CRYBG3: variants seen among roughly 807,000 people sequenced by gnomAD.
CRYBG3 encodes very large A-kinase anchor protein.
In CRYBG3, 127 loss-of-function variants were observed where a neutral mutation model predicts 244.2. The observed-to-expected ratio is 0.52, with a 90% confidence interval of 0.45 to 0.60. CRYBG3 has a LOEUF of 0.60. Ranked by LOEUF, CRYBG3 falls within the 20% of genes least tolerant of loss-of-function variation. The pLI is 0.00. For missense variants in CRYBG3, 3,325 were observed against 3,442.5 expected, an observed-to-expected ratio of 0.97 and a Z score of 0.85; for synonymous variants, 1,132 against 1,195.8, an observed-to-expected ratio of 0.95 and a Z score of 1.10.
In CRYBG3 at chr3:97,874,324, TACAG is replaced by T. The variant is rs1474364103; in HGVS notation, c.3132_3135del (p.Tyr1044Ter). 1 of 1,527,640 alleles carries T rather than the reference TACAG, an allele frequency of 6.5e-7. No homozygotes were observed. The highest frequency in any genetic ancestry group is 1.4e-5 in the African/African-American group (1 of 72,352). The allele number at this position is 1,527,640 out of a possible 1,614,324, so 94.6% of individuals were successfully genotyped here. A position where few individuals can be genotyped will look rare whatever the true frequency, so the allele number is the denominator to read the frequency against. On this transcript the variant is annotated frameshift_variant, in exon 4 of 22. Transcript: ENST00000389622. LOFTEE classifies it high-confidence loss of function. ...GAAATTGGAAAAGAAATCCTCATCT[TACAG>T]AAAGAAAGAGAACATCCATTTTTTA...
intron 2 of CRYBG3, among the ~76,000 whole-genome samples, chr3:97,848,004 A>G (rs1159873378): frequency 1.3e-5 from 2 of 152,220 alleles, no homozygotes; most frequent in Non-Finnish European, 2.9e-5. Context: ...GAAGAATTGT[A>G]GCCCAAGACT....
chr3:97,875,905 G>C lies in CRYBG3; in HGVS notation c.4711G>C (p.Gly1571Arg). The change falls in exon 4 of 22, where the codon GGA becomes CGA. Residue 1571 changes from glycine to arginine, a missense_variant. By Grantham distance (125) the Gly-to-Arg change is moderately radical (BLOSUM62 -2). Around this residue, in one of 4 missense-constraint regions of CRYBG3, gnomAD observed 635 missense variants for 771.7 expected, o/e 0.82. Transcript: ENST00000389622. ...GGCAGTCCCTCCTATGATAGAAATG[G>C]GAAGAATACATAAAATGGATGCTGA... ...YEAVPPMIEM[G>R]RIHKMDAELN... 8.1e-6 allele frequency: 10 copies of C among 1,231,996 alleles called. No homozygotes were observed. The highest frequency in any genetic ancestry group is 1.0e-5 in the Non-Finnish European group (10 of 987,898). 76.3% of individuals were successfully genotyped at this position (1,231,996 alleles called of 1,614,324 possible).
rs535883118 is a variant in CRYBG3, at chr3:97,876,963, T to C, written c.5769T>C (p.Asn1923=). 2.0e-6 allele frequency: 3 copies of C among 1,505,374 alleles called. No individual in the cohort carries two copies. The highest frequency in any genetic ancestry group is 2.8e-5 in the African/African-American group (2 of 71,496). The allele number at this position is 1,505,374 out of a possible 1,614,324, so 93.3% of individuals were successfully genotyped here. ...AGGAAGGCTTGATAGCACATGAAAA[T>C]AGACTTCCTACATATTTCAGGGGAT... ...EIKEGLIAHE[N]RLPTYFRGYE... Residue 1923 remains asparagine, a synonymous_variant, in exon 4 of 22, where the codon AAT becomes AAC. Coordinates refer to ENST00000389622, the MANE Select transcript of CRYBG3 (RefSeq NM_153605.4).
chr3:97,823,254 T>A (rs2038532138), intron 1 of CRYBG3, among the ~76,000 whole-genome samples: 1 of 152,128 alleles, frequency 6.6e-6, no homozygotes, highest in Non-Finnish European at 1.5e-5. Context: ...GCTTACACTG[T>A]CTTCTCCCGA....
intron 2 of CRYBG3, among the ~76,000 whole-genome samples, chr3:97,845,073 C>A (rs1463350860): frequency 6.6e-6 from 1 of 152,150 alleles, no homozygotes. Context: ...GCCGCACAGA[C>A]CCAGTTGTTC....
In CRYBG3 at chr3:97,929,467, G is replaced by A. The variant is rs546702383; in HGVS notation, c.8242-4227G>A. On this transcript the variant is annotated intron_variant, in intron 17 of 21. Coordinates refer to ENST00000389622, the MANE Select transcript of CRYBG3 (RefSeq NM_153605.4). ...AACCACCCCCCATCATCCTGCCCAG[G>A]TTAGCACTGTGTTGACTTTCCTAAT... Among the ~76,000 whole-genome samples, 3 of 151,854 alleles carry A rather than the reference G, an allele frequency of 2.0e-5. No individual in the cohort carries two copies. The East Asian group carries it at 5.8e-4, about 29-fold the overall frequency.
intron 20 of CRYBG3, 51 bp from the exon 21 acceptor site, chr3:97,942,233 T>A (rs1394760953): frequency 6.5e-7 from 1 of 1,536,042 alleles, no homozygotes; most frequent in African/African-American, 1.4e-5. Flanking sequence ...CTAATTCAAC[T>A]TACTTTAGCA....
At chr3:97,903,581 GAAGA>G (rs2039729686) in intron 15 of CRYBG3, among the ~76,000 whole-genome samples, 1 of 152,074 alleles carries the variant, frequency 6.6e-6, no homozygotes, top group South Asian at 2.1e-4. Context: ...TTTAGACAGG[GAAGA>G]AAGTTTCTCA....
At chr3:97,843,540 G>C (rs750892825) in intron 2 of CRYBG3, among the ~76,000 whole-genome samples, 1 of 152,146 alleles carries the variant, frequency 6.6e-6, no homozygotes, top group Non-Finnish European at 1.5e-5. Context: ...TAACTTCTTC[G>C]TGTCTTTGCT....
chr3:97,840,708 AC>A (rs2038799202), intron 1 of CRYBG3: 2 of 152,122 alleles, frequency 1.3e-5, no homozygotes, highest in South Asian at 4.1e-4. Context: ...CTGTAAACAC[AC>A]CAAATAAAGC....
At chr3:97,850,790 C>T (rs1309728647) in intron 2 of CRYBG3, among the ~76,000 whole-genome samples, 2 of 152,126 alleles carry the variant, frequency 1.3e-5, no homozygotes, top group African/African-American at 4.8e-5. Flanking sequence ...TATCAGTACT[C>T]ACTGAGGAGT....
intron 1 of CRYBG3, among the ~76,000 whole-genome samples, chr3:97,841,620 C>T (rs1462560355): frequency 4.6e-5 from 7 of 151,986 alleles, no homozygotes; most frequent in African/African-American, 7.2e-5. Context: ...CGCTTTGGGA[C>T]AGCCTTTATT....
chr3:97,899,179 C>T lies in CRYBG3; in HGVS notation c.7887C>T (p.Tyr2629=). The T allele has an allele frequency of 1.2e-6, 2 of 1,613,450 alleles. No homozygotes were observed. The highest frequency in any genetic ancestry group is 1.7e-6 in the Non-Finnish European group (2 of 1,179,724). The change falls in exon 14 of 22, where the codon TAC becomes TAT. Residue 2629 remains tyrosine, a synonymous_variant. Transcript: ENST00000389622. ...YQQKFFCGEQ[Y]ILEKGKYKCF... is the part of the protein sequence containing the mutation. ...AAAAGTTCTTCTGTGGAGAACAATA[C>T]ATTTTAGAAAAAGGGAAATACAAAT...
intron 15 of CRYBG3, among the ~76,000 whole-genome samples, chr3:97,902,795 C>T (rs913960488): frequency 1.3e-5 from 2 of 152,058 alleles, no homozygotes; most frequent in Non-Finnish European, 2.9e-5. Flanking sequence ...TATACAGGAT[C>T]GCTATAGAAT....
intron 19 of CRYBG3, among the ~76,000 whole-genome samples, chr3:97,938,842 G>A (rs2040194870): frequency 6.6e-6 from 1 of 151,888 alleles, no homozygotes; most frequent in South Asian, 2.1e-4. Flanking sequence ...GCTCTTTTGA[G>A]GGATACTGAA....
chr3:97,865,636 A>C (rs554096374), intron 3 of CRYBG3, among the ~76,000 whole-genome samples: 14 of 152,326 alleles, frequency 9.2e-5, no homozygotes, highest in African/African-American at 3.4e-4. Context: ...ATACTGATGT[A>C]ATATTTGCTA....
At chr3:97,835,367 CTA>C in intron 1 of CRYBG3, among the ~76,000 whole-genome samples, 1 of 151,982 alleles carries the variant, frequency 6.6e-6, no homozygotes, top group East Asian at 1.9e-4. Context: ...AAAGGTGTCT[CTA>C]TTGGGTAGCA....
intron 12 of CRYBG3, among the ~76,000 whole-genome samples, chr3:97,898,114 G>A (rs553592404): frequency 6.6e-6 from 1 of 151,844 alleles, no homozygotes; most frequent in Admixed American, 6.6e-5. Flanking sequence ...CAACTACTCG[G>A]GAGGCTGAGG....
chr3:97,889,764 T>C (rs2039553491), intron 10 of CRYBG3, among the ~76,000 whole-genome samples: 1 of 152,112 alleles, frequency 6.6e-6, no homozygotes, highest in South Asian at 2.1e-4. Context: ...AGGAACATGA[T>C]CAAGGCTGAT....
Sources: gnomAD v4.1 joint callset for allele counts (sites outside exome capture counted in the v4.1 genomes callset) on GRCh38, gnomAD v4.1.1 for gene constraint, gnomAD v4.1.1 regional missense constraint, MANE v1.5 for transcripts, NCBI Gene and HGNC (gene_info 2026-07-23, HGNC 2026-07-21) for gene names.